NTRK3: variants seen among roughly 807,000 people sequenced by gnomAD.
NTRK3 encodes neurotrophic receptor tyrosine kinase 3, also known as NT-3 growth factor receptor.
Under a neutral mutation model 91.7 loss-of-function variants are expected in NTRK3, and 24 were observed. The ratio of observed to expected loss-of-function variants is 0.26; its 90% CI spans 0.19 to 0.37. The LOEUF is 0.37. NTRK3 is among the 10% of genes least tolerant of loss of function. The pLI is 1.00. For synonymous variants in NTRK3, 483 were observed against 404.0 expected (o/e 1.20, Z -2.34); for missense variants, 880 against 1,068.9 (o/e 0.82, Z 2.46).
In NTRK3 at chr15:87,896,819, T is replaced by A. The variant is rs1201173025; in HGVS notation, c.2134-16391A>T. Among the ~76,000 whole-genome samples, 4 of 152,210 alleles carry A rather than the reference T, an allele frequency of 2.6e-5. No individual in the cohort carries two copies. In the South Asian group the frequency reaches 6.2e-4, roughly 24 times the overall value. On this transcript the variant is annotated intron_variant, in intron 17 of 18. Coordinates refer to ENST00000394480, the Ensembl canonical transcript of NTRK3. ...TCTACAGTGACATCAGACTTCTGACTTATTAAGTCAGAATTGCTTGCCTTC... is the reference window on the plus strand; with the variant it reads ...TCTACAGTGACATCAGACTTCTGACATATTAAGTCAGAATTGCTTGCCTTC...
At chr15:87,963,852 G>C (rs1300847899) in intron 14 of NTRK3, among the ~76,000 whole-genome samples, 1 of 152,126 alleles carries the variant, frequency 6.6e-6, no homozygotes, top group Admixed American at 6.5e-5. Context: ...GCTTATAGGG[G>C]TCATACGGCT....
chr15:88,061,674 G>A (rs12911023), intron 13 of NTRK3, among the ~76,000 whole-genome samples: 5,921 of 152,358 alleles, frequency 0.039, 164 homozygotes, highest in Middle Eastern at 0.092. Flanking sequence ...GTGCCTGGCA[G>A]GGTGGCGAAC....
chr15:88,171,602 A>G (rs540759343), intron 5 of NTRK3, among the ~76,000 whole-genome samples: 92 of 152,314 alleles, frequency 6.0e-4, no homozygotes, highest in African/African-American at 2.1e-3. Flanking sequence ...ATGTGCAGCC[A>G]CTGAGAAAGG....
chr15:87,957,059 A>C (rs890628602), intron 14 of NTRK3, among the ~76,000 whole-genome samples: 1 of 152,124 alleles, frequency 6.6e-6, no homozygotes, highest in African/African-American at 2.4e-5. Flanking sequence ...AACGTGACCC[A>C]TGGAGCCAGA....
intron 13 of NTRK3, among the ~76,000 whole-genome samples, chr15:88,096,660 A>G (rs2049634981): frequency 2.0e-5 from 3 of 152,198 alleles, no homozygotes. Context: ...GGAACAACCC[A>G]TAACTAATTA....
intron 3 of NTRK3, among the ~76,000 whole-genome samples, chr15:88,223,028 G>A (rs2050366190): frequency 6.6e-6 from 1 of 152,202 alleles, no homozygotes; most frequent in South Asian, 2.1e-4. Flanking sequence ...AAGGAGATGG[G>A]GCGATGGGGC....
At chr15:87,971,629 G>A (rs2073259199) in intron 14 of NTRK3, among the ~76,000 whole-genome samples, 1 of 152,188 alleles carries the variant, frequency 6.6e-6, no homozygotes, top group Non-Finnish European at 1.5e-5. Context: ...TGTAGGTGCA[G>A]GGGTCCCCTG....
intron 3 of NTRK3, among the ~76,000 whole-genome samples, chr15:88,210,284 C>T (rs980753938): frequency 6.6e-6 from 1 of 152,130 alleles, no homozygotes; most frequent in Non-Finnish European, 1.5e-5. Flanking sequence ...CCTGGAAGCA[C>T]CAGGAGAGAA....
chr15:87,931,959 C>T (rs1470284782), intron 16 of NTRK3, among the ~76,000 whole-genome samples: 6 of 152,204 alleles, frequency 3.9e-5, no homozygotes, highest in African/African-American at 1.4e-4. Flanking sequence ...AGGCCACACC[C>T]TAAGTATACA....
At chr15:87,864,731 T>C (rs920007537) in exon 19 of NTRK3, 6 of 228,876 alleles carry the variant, frequency 2.6e-5, no homozygotes, top group African/African-American at 1.3e-4. Context: ...GCAAAACTTC[T>C]AAAAAACAGA....
intron 15 of NTRK3, among the ~76,000 whole-genome samples, chr15:87,935,197 C>T (rs2069157550): frequency 6.6e-6 from 1 of 152,038 alleles, no homozygotes; most frequent in Non-Finnish European, 1.5e-5. Context: ...AATAAAAGGA[C>T]ATGGAAGTAT....
chr15:87,871,175 G>C (rs2064819573), exon 19 of NTRK3: 1 of 231,084 alleles, frequency 4.3e-6, no homozygotes, highest in African/African-American at 2.2e-5. Context: ...TCACAGAAAA[G>C]CATCTATTCT....
intron 14 of NTRK3, among the ~76,000 whole-genome samples, chr15:88,005,522 C>G (rs2076424611): frequency 6.6e-6 from 1 of 152,220 alleles, no homozygotes; most frequent in Admixed American, 6.5e-5. Context: ...ATCTTACCCT[C>G]TGCATGGCTC....
At chr15:88,181,733 C>G (rs912335756) in intron 5 of NTRK3, among the ~76,000 whole-genome samples, 1 of 152,158 alleles carries the variant, frequency 6.6e-6, no homozygotes, top group South Asian at 2.1e-4. Context: ...AGTTGTTTCA[C>G]GGAATCTCCA....
chr15:88,216,948 T>G (rs143408231), intron 3 of NTRK3, among the ~76,000 whole-genome samples: 1 of 152,256 alleles, frequency 6.6e-6, no homozygotes, highest in African/African-American at 2.4e-5. Context: ...TGAACTGAAC[T>G]CAGTGGTTTG....
chr15:87,914,035 G>A (rs1567100805), intron 17 of NTRK3, among the ~76,000 whole-genome samples: 1 of 152,202 alleles, frequency 6.6e-6, no homozygotes, highest in Non-Finnish European at 1.5e-5. Context: ...GAGTATTTCT[G>A]AACCTGCTGA....
rs181967576 is a variant in NTRK3, at chr15:88,233,457, C to T, written c.248+22449G>A. Among the ~76,000 whole-genome samples the T allele has an allele frequency of 6.6e-6, 1 of 152,090 alleles. No homozygotes were observed. The highest frequency in any genetic ancestry group is 1.5e-5 in the Non-Finnish European group (1 of 68,016). On this transcript the variant is annotated intron_variant, in intron 3 of 18. Transcript: ENST00000394480. The surrounding 1 kb of genome is among the most constrained non-coding windows in gnomAD (Gnocchi z 4.2). The stretch of plus-strand genomic sequence containing the variant: ...AGCATCCTGGGGAGAAGTGGCACCC[C>T]ACGAAAGTTAGCACACTGAAACCAC...
intron 14 of NTRK3, among the ~76,000 whole-genome samples, chr15:87,983,562 A>C (rs2074478655): frequency 6.6e-6 from 1 of 152,162 alleles, no homozygotes; most frequent in African/African-American, 2.4e-5. Context: ...CAACATCCCC[A>C]AAAGGTGGAT....
chr15:88,139,675 T>C (rs112476901), intron 6 of NTRK3, among the ~76,000 whole-genome samples: 152 of 151,896 alleles, frequency 1.0e-3, no homozygotes, highest in African/African-American at 3.6e-3. Context: ...TGGGAGATGG[T>C]CAGAACTGCA....
Sources: gnomAD v4.1 joint callset for allele counts (sites outside exome capture counted in the v4.1 genomes callset) on GRCh38, gnomAD v4.1.1 for gene constraint, Gnocchi (gnomAD v3.1) non-coding constraint, MANE v1.5 for transcripts, NCBI Gene and HGNC (gene_info 2026-07-23, HGNC 2026-07-21) for gene names.